Variants in ATL2 observed in about 807,000 individuals in gnomAD.
ATL2 encodes atlastin GTPase 2.
In ATL2, 31 loss-of-function variants were observed where a neutral mutation model predicts 73.9. The observed-to-expected ratio is 0.42, with a 90% CI of 0.32 to 0.57. The LOEUF (loss-of-function observed/expected upper bound fraction) is 0.57. ATL2 is among the 20% of genes least tolerant of loss of function. The probability of loss-of-function intolerance (pLI) is 0.14; values close to 1 mark genes in which losing one functional copy is unlikely to be tolerated. For missense variants in ATL2, 738 were observed against 702.6 expected, an observed-to-expected ratio of 1.05 and a Z score of -0.57; for synonymous variants, 291 against 237.5, an observed-to-expected ratio of 1.23 and a Z score of -2.07.
At chr2:38,339,042 C>G (rs1416070510) in intron 2 of ATL2, among the ~76,000 whole-genome samples, 1 of 152,014 alleles carries the variant, frequency 6.6e-6, no homozygotes, top group Non-Finnish European at 1.5e-5. Context: ...ATGGTGAAAC[C>G]CCATCTCTAT....
At chr2:38,343,842 A>G (rs1669868400) in intron 1 of ATL2, among the ~76,000 whole-genome samples, 1 of 152,128 alleles carries the variant, frequency 6.6e-6, no homozygotes, top group African/African-American at 2.4e-5. Flanking sequence ...ATGATAGTGA[A>G]TAAGTCTCAC....
intron 6 of ATL2, 38 bp from the exon 7 acceptor site, chr2:38,313,281 T>C: frequency 6.8e-7 from 1 of 1,477,036 alleles, no homozygotes. Context: ...TATTTTACAA[T>C]AAAGAAAATT....
chr2:38,328,136 A>G (rs913452576), intron 2 of ATL2, among the ~76,000 whole-genome samples: 1 of 152,234 alleles, frequency 6.6e-6, no homozygotes, highest in Non-Finnish European at 1.5e-5. Flanking sequence ...AAGGAAACAT[A>G]AAAACCACTT....
intron 2 of ATL2, among the ~76,000 whole-genome samples, chr2:38,334,320 G>A (rs138955664): frequency 3.7e-4 from 55 of 149,796 alleles, no homozygotes; most frequent in African/African-American, 1.3e-3. Context: ...ATGAGCCACC[G>A]AGCCCAGCCC....
chr2:38,299,874 C>T (rs1473521415), intron 10 of ATL2, among the ~76,000 whole-genome samples: 3 of 152,202 alleles, frequency 2.0e-5, no homozygotes, highest in African/African-American at 7.2e-5. Flanking sequence ...ACTATATTCA[C>T]TAGAAGTAGC....
At chr2:38,343,013 T>C in intron 2 of ATL2, among the ~76,000 whole-genome samples, 1 of 149,794 alleles carries the variant, frequency 6.7e-6, no homozygotes, top group Non-Finnish European at 1.5e-5. Context: ...TTGGGCATGG[T>C]GGCACACGCC....
chr2:38,296,046 TTGA>T lies in ATL2; in HGVS notation c.1697_1699del (p.Ile566del). 6.4e-7 allele frequency: 1 copy of T among 1,551,774 alleles called. No individual in the cohort carries two copies. The highest frequency in any genetic ancestry group is 8.7e-7 in the Non-Finnish European group (1 of 1,146,888). On this transcript the variant is annotated inframe_deletion, in exon 13 of 13. Transcript: ENST00000378954. ...AGACACCTGGTCAGTCAGGCCTGCT[TTGA>T]TAGAGTTTGTTACAGACTGCCTTAT...
chr2:38,307,654 A>G (rs530317095), intron 9 of ATL2, among the ~76,000 whole-genome samples: 48 of 152,272 alleles, frequency 3.2e-4, no homozygotes, highest in African/African-American at 1.1e-3. Context: ...GCACATCAGA[A>G]AAGTGAAGAC....
intron 2 of ATL2, among the ~76,000 whole-genome samples, chr2:38,327,537 G>GGAAAAAAAAAAAAAAAAAA (rs1668733383): frequency 1.4e-5 from 1 of 71,938 alleles, no homozygotes; most frequent in African/African-American, 8.1e-5. Flanking sequence ...AAAAAAAAAA[G>GGAAAAAAAAAAAAAAAAAA]TACAAAAAAA....
chr2:38,350,459 T>TGAAC (rs2124433773), intron 1 of ATL2, among the ~76,000 whole-genome samples: 1 of 152,284 alleles, frequency 6.6e-6, no homozygotes, highest in Non-Finnish European at 1.5e-5. Context: ...TAGGGAGGGA[T>TGAAC]GAACAGGCAT....
Position 38,366,120 on chromosome 2 carries a change from T to C in ATL2, c.118+11023A>G, listed in dbSNP as rs965455622. On this transcript the variant is annotated intron_variant, in intron 1 of 12. Coordinates refer to ENST00000378954, the MANE Select transcript of ATL2 (RefSeq NM_001135673.4). The stretch of plus-strand genomic sequence containing the variant: ...TTGAAAAAAAAAAAAAAAACAAAGA[T>C]AAAGTCAGAGCTTCGCACTATACTC... Among the ~76,000 whole-genome samples, 22 of 140,482 alleles carry C rather than the reference T, an allele frequency of 1.6e-4. No individual in the cohort carries two copies. The Admixed American group carries it at 1.6e-3, about 10-fold the overall frequency. 92.2% of individuals were successfully genotyped at this position (140,482 alleles called of 152,430 possible).
In ATL2 at chr2:38,343,354, T is replaced by A; in HGVS notation, c.277A>T (p.Asn93Tyr). ...CCTGCCACAGATACCACTACTATGT[T>A]AAGATCTCGTATGTGCTCCTGTAGC... ...ILLQEHIRDL[N>Y]IVVVSVAGAF... The change falls in exon 2 of 13, where the codon AAC becomes TAC. Residue 93 changes from asparagine (N) to tyrosine (Y), a missense_variant. Asn to Tyr is a moderately radical substitution (Grantham distance 143). Transcript: ENST00000378954. 1 of 1,611,862 alleles carries A rather than the reference T, an allele frequency of 6.2e-7. No homozygotes were observed. The highest frequency in any genetic ancestry group is 8.5e-7 in the Non-Finnish European group (1 of 1,179,588).
chr2:38,307,612 C>T (rs184612279), intron 9 of ATL2, among the ~76,000 whole-genome samples: 5 of 152,152 alleles, frequency 3.3e-5, no homozygotes, highest in East Asian at 3.9e-4. Context: ...CAAAAATAAA[C>T]GAATGGGATC....
At chr2:38,316,912 C>T (rs540166262) in intron 4 of ATL2, among the ~76,000 whole-genome samples, 4 of 152,074 alleles carry the variant, frequency 2.6e-5, no homozygotes, top group Non-Finnish European at 4.4e-5. Flanking sequence ...CACAGCTGTG[C>T]CATCTTGCAA....
chr2:38,363,330 G>A (rs919454337), intron 1 of ATL2, among the ~76,000 whole-genome samples: 21 of 141,328 alleles, frequency 1.5e-4, no homozygotes, highest in Non-Finnish European at 3.2e-4. Flanking sequence ...CTAGAAACCT[G>A]AAAAAAGCTA....
At chr2:38,324,486 T>C (rs935670125) in intron 2 of ATL2, among the ~76,000 whole-genome samples, 1 of 152,222 alleles carries the variant, frequency 6.6e-6, no homozygotes, top group African/African-American at 2.4e-5. Context: ...CTGTTTTCAT[T>C]TGAATATGTG....
intron 1 of ATL2, among the ~76,000 whole-genome samples, chr2:38,375,362 T>A (rs1183539475): frequency 1.3e-5 from 2 of 152,204 alleles, no homozygotes; most frequent in Non-Finnish European, 1.5e-5. Flanking sequence ...TTTTAGGCAA[T>A]CATTTGCTAG....
At chr2:38,338,681 T>C (rs1669518090) in intron 2 of ATL2, among the ~76,000 whole-genome samples, 1 of 152,106 alleles carries the variant, frequency 6.6e-6, no homozygotes, top group African/African-American at 2.4e-5. Flanking sequence ...GTGGAATTAA[T>C]GACTAAAAAA....
intron 1 of ATL2, among the ~76,000 whole-genome samples, chr2:38,355,558 T>G (rs1460088326): frequency 6.6e-6 from 1 of 152,138 alleles, no homozygotes; most frequent in Admixed American, 6.6e-5. Context: ...AAAGCTGGCT[T>G]CAAGACTAAA....
Sources: allele counts gnomAD v4.1 joint callset (sites outside exome capture counted in the v4.1 genomes callset), GRCh38; gene constraint gnomAD v4.1.1; transcripts MANE v1.5; gene names NCBI Gene and HGNC (gene_info 2026-07-23, HGNC 2026-07-21).